Variants in ZNF385D observed in about 807,000 individuals in gnomAD.
The protein encoded by ZNF385D is zinc finger protein 659.
ZNF385D carries 15 observed loss-of-function variants against 35.8 expected under a neutral mutation model. That is an observed-to-expected ratio of 0.42 (90% CI 0.28 to 0.64). The LOEUF (loss-of-function observed/expected upper bound fraction) is 0.64, where lower values mean the gene tolerates loss of function less well. Ranked by LOEUF, ZNF385D falls within the 30% of genes least tolerant of loss-of-function variation. The pLI, the probability that ZNF385D is intolerant of heterozygous loss-of-function variation, is 0.23. For synonymous variants in ZNF385D, 212 were observed against 186.8 expected, an observed-to-expected ratio of 1.13 and a Z score of -1.10; for missense variants, 474 against 494.6, an observed-to-expected ratio of 0.96 and a Z score of 0.39.
intron 3 of ZNF385D, among the ~76,000 whole-genome samples, chr3:22,001,381 G>C (rs1036305041): frequency 1.3e-5 from 2 of 151,850 alleles, no homozygotes; most frequent in Non-Finnish European, 1.5e-5. Context: ...ACAGTAAAAA[G>C]AGACAAAGAA....
chr3:22,068,259 T>C (rs2125556897), intron 3 of ZNF385D, among the ~76,000 whole-genome samples: 1 of 152,260 alleles, frequency 6.6e-6, no homozygotes, highest in South Asian at 2.1e-4. Flanking sequence ...AATTCTATTC[T>C]TTTTTTCACC....
intron 2 of ZNF385D, among the ~76,000 whole-genome samples, chr3:21,643,239 A>G (rs1287911728): frequency 6.6e-6 from 1 of 152,162 alleles, no homozygotes; most frequent in East Asian, 1.9e-4. Flanking sequence ...TGTAAGAGCT[A>G]ATTTTCTCAG....
At chr3:21,981,068 T>A (rs1173420923) in intron 3 of ZNF385D, among the ~76,000 whole-genome samples, 3 of 152,164 alleles carry the variant, frequency 2.0e-5, no homozygotes, top group Non-Finnish European at 4.4e-5. Context: ...TTTCTAGTCC[T>A]CTGGGTATAT....
At chr3:21,930,006 C>T (rs371576842) in intron 3 of ZNF385D, among the ~76,000 whole-genome samples, 24 of 151,988 alleles carry the variant, frequency 1.6e-4, no homozygotes, top group East Asian at 7.7e-4. Flanking sequence ...ATATTGGTAA[C>T]GAAGAATAAA....
intron 3 of ZNF385D, among the ~76,000 whole-genome samples, chr3:21,786,883 T>C (rs1319655426): frequency 6.6e-6 from 1 of 152,206 alleles, no homozygotes; most frequent in African/African-American, 2.4e-5. Context: ...CCATGTGAAG[T>C]AGTCCATTAT....
intron 3 of ZNF385D, among the ~76,000 whole-genome samples, chr3:21,965,131 A>C (rs1410649683): frequency 6.6e-6 from 1 of 152,190 alleles, no homozygotes; most frequent in Non-Finnish European, 1.5e-5. Flanking sequence ...TATGATGAAG[A>C]GACAGCTTTG....
At chr3:22,163,843 T>C (rs1056514497) in intron 3 of ZNF385D, among the ~76,000 whole-genome samples, 1 of 152,234 alleles carries the variant, frequency 6.6e-6, no homozygotes, top group Non-Finnish European at 1.5e-5. Flanking sequence ...CAATTGTGCA[T>C]GTTTAAGGAG....
At chr3:21,983,567 T>A (rs1694632010) in intron 3 of ZNF385D, among the ~76,000 whole-genome samples, 1 of 145,804 alleles carries the variant, frequency 6.9e-6, no homozygotes, top group Admixed American at 7.1e-5. Flanking sequence ...TCTATCATTG[T>A]TGGACATTTG....
rs75801619 is a variant in ZNF385D at position 22,278,939 on chromosome 3, G to A, written c.106+93511C>T. On this transcript the variant is annotated intron_variant, in intron 2 of 5. Coordinates refer to the ZNF385D transcript ENST00000494108. The stretch of plus-strand genomic sequence containing the variant: ...CCTGCATCTCCCACAGCCCTTACTC[G>A]CTGGGTTCCCTTACCTGATAGGCAG... 7.2e-3 allele frequency among the ~76,000 whole-genome samples: 1,096 copies of A among 151,994 alleles called. 14 individuals are homozygous for A. Among genetic ancestry groups the A allele is most frequent in the African/African-American group, 0.024 (983 of 41,482 alleles).
At chr3:21,724,295 A>C (rs373118437) in intron 1 of ZNF385D, among the ~76,000 whole-genome samples, 2 of 151,986 alleles carry the variant, frequency 1.3e-5, no homozygotes, top group African/African-American at 4.8e-5. Flanking sequence ...AAATTCGCAC[A>C]TAACAATATT....
At chr3:22,344,160 TGGGTA>T (rs1281098626) in intron 2 of ZNF385D, among the ~76,000 whole-genome samples, 3 of 121,220 alleles carry the variant, frequency 2.5e-5, no homozygotes, top group Non-Finnish European at 5.2e-5. Context: ...TATAGGCACA[TGGGTA>T]GGGTGGGGTG....
chr3:22,103,672 G>C (rs186982036), intron 3 of ZNF385D, among the ~76,000 whole-genome samples: 1 of 135,354 alleles, frequency 7.4e-6, no homozygotes, highest in Admixed American at 7.1e-5. Context: ...TTGGGTTAGT[G>C]CTTGTGGACA....
intron 2 of ZNF385D, among the ~76,000 whole-genome samples, chr3:21,613,015 C>A: frequency 6.8e-6 from 1 of 146,830 alleles, no homozygotes. Context: ...TTTTCAAAAC[C>A]AGGGTACTAA....
At chr3:21,655,705 T>C (rs1432996942) in intron 2 of ZNF385D, among the ~76,000 whole-genome samples, 2 of 152,026 alleles carry the variant, frequency 1.3e-5, no homozygotes, top group Non-Finnish European at 2.9e-5. Context: ...TTTAAAAAAT[T>C]ACAACCATTT....
chr3:21,777,035 C>T (rs2071315897), intron 3 of ZNF385D, among the ~76,000 whole-genome samples: 1 of 151,994 alleles, frequency 6.6e-6, no homozygotes, highest in African/African-American at 2.4e-5. Flanking sequence ...ATGCTACTTA[C>T]TTCCTCAGCC....
At chr3:22,332,320 G>A (rs1015321547) in intron 2 of ZNF385D, among the ~76,000 whole-genome samples, 2 of 152,148 alleles carry the variant, frequency 1.3e-5, no homozygotes, top group Middle Eastern at 3.4e-3. Flanking sequence ...TAACTAACAG[G>A]TTTTCACCCA....
In ZNF385D at chr3:21,562,729, AAAT is replaced by A. The variant is rs527668160; in HGVS notation, c.276+1842_276+1844del. Among the ~76,000 whole-genome samples, 10 of 152,284 alleles carry A rather than the reference AAAT, an allele frequency of 6.6e-5. No individual in the cohort carries two copies. In the South Asian group the frequency reaches 2.1e-3, roughly 32 times the overall value. ...AAAAGAGGAACTAAAAAGCCACTTA[AAAT>A]AATAATTATAAAACTATATAATTGT... On this transcript the variant is annotated intron_variant, in intron 3 of 7. Transcript: ENST00000281523.
At chr3:22,348,029 T>C (rs1322151744) in intron 2 of ZNF385D, among the ~76,000 whole-genome samples, 1 of 152,176 alleles carries the variant, frequency 6.6e-6, no homozygotes, top group Non-Finnish European at 1.5e-5. Flanking sequence ...AATTGCAGCA[T>C]GTATAAAATC....
chr3:21,653,609 A>C (rs2065987299), intron 2 of ZNF385D, among the ~76,000 whole-genome samples: 1 of 152,128 alleles, frequency 6.6e-6, no homozygotes. Context: ...ACAAACTTGA[A>C]GCTCAAAATA....
Sources: allele counts gnomAD v4.1 joint callset (sites outside exome capture counted in the v4.1 genomes callset), GRCh38; gene constraint gnomAD v4.1.1; transcripts MANE v1.5; gene names NCBI Gene and HGNC (gene_info 2026-07-23, HGNC 2026-07-21).